Variants in DPYD observed in about 807,000 individuals in gnomAD.
DPYD encodes dihydropyrimidine dehydrogenase.
DPYD carries 109 observed loss-of-function variants against 116.2 expected under a neutral mutation model. The observed-to-expected ratio is 0.94, with a 90% CI of 0.80 to 1.10. The LOEUF (loss-of-function observed/expected upper bound fraction) is 1.10. Ranked by LOEUF, DPYD falls within the 50% of genes least tolerant of loss-of-function variation. DPYD has a pLI of 0.00. For synonymous variants in DPYD, 440 were observed against 432.0 expected, an observed-to-expected ratio of 1.02 and a Z score of -0.23; for missense variants, 1,302 against 1,254.5, an observed-to-expected ratio of 1.04 and a Z score of -0.57.
intron 18 of DPYD, among the ~76,000 whole-genome samples, chr1:97,254,612 C>T (rs1274001827): frequency 6.6e-6 from 1 of 152,010 alleles, no homozygotes; most frequent in African/African-American, 2.4e-5. Context: ...GGTGTAAAAT[C>T]CAGATTAGAT....
intron 3 of DPYD, among the ~76,000 whole-genome samples, chr1:97,814,585 C>G (rs1307408235): frequency 6.6e-6 from 1 of 151,970 alleles, no homozygotes; most frequent in Non-Finnish European, 1.5e-5. Context: ...AAAATTTTTT[C>G]CACGAATTCC....
intron 18 of DPYD, among the ~76,000 whole-genome samples, chr1:97,292,858 A>G (rs1250060191): frequency 6.6e-6 from 1 of 152,054 alleles, no homozygotes; most frequent in East Asian, 1.9e-4. Context: ...AACACAAGGC[A>G]TTGTTGTTGG....
In DPYD at chr1:97,888,930, G is replaced by A. The variant is rs181292868; in HGVS notation, c.40-5556C>T. Among the ~76,000 whole-genome samples the A allele has an allele frequency of 7.9e-5, 12 of 152,234 alleles. No individual in the cohort carries two copies. The East Asian group carries it at 1.8e-3, about 22-fold the overall frequency. ...CCCAACACTTTGGGAGTCCAAGGCA[G>A]GTGGATCACCAAGGTCAGGAGTTCA... is the stretch of plus-strand genomic sequence containing the variant. On this transcript the variant is annotated intron_variant, in intron 1 of 22. Coordinates refer to ENST00000370192, the MANE Select transcript of DPYD (RefSeq NM_000110.4).
At chr1:97,191,703 C>A (rs920322456) in intron 20 of DPYD, among the ~76,000 whole-genome samples, 1 of 152,088 alleles carries the variant, frequency 6.6e-6, no homozygotes, top group African/African-American at 2.4e-5. Flanking sequence ...ATGGCAACCA[C>A]CCAAATTTGA....
intron 1 of DPYD, among the ~76,000 whole-genome samples, chr1:97,901,052 A>T (rs1009766766): frequency 5.9e-5 from 9 of 151,862 alleles, no homozygotes; most frequent in Admixed American, 2.6e-4. Context: ...TAATGTTCTT[A>T]TATCAGATGA....
chr1:97,786,007 T>C (rs1557960377), intron 3 of DPYD, among the ~76,000 whole-genome samples: 1 of 151,508 alleles, frequency 6.6e-6, no homozygotes, highest in Non-Finnish European at 1.5e-5. Flanking sequence ...CACTGACTCT[T>C]GACTGCAATG....
intron 3 of DPYD, among the ~76,000 whole-genome samples, chr1:97,800,564 T>C (rs922375100): frequency 1.3e-5 from 2 of 151,940 alleles, no homozygotes; most frequent in Non-Finnish European, 2.9e-5. Flanking sequence ...CCTCTTTCTC[T>C]TCCAATTTCC....
intron 19 of DPYD, among the ~76,000 whole-genome samples, chr1:97,216,859 C>T (rs548998831): frequency 3.9e-5 from 6 of 152,184 alleles, no homozygotes; most frequent in African/African-American, 9.6e-5. Context: ...AATATTTATA[C>T]ACATCTTCAC....
At chr1:97,656,515 T>C (rs550989313) in intron 8 of DPYD, among the ~76,000 whole-genome samples, 1 of 152,308 alleles carries the variant, frequency 6.6e-6, no homozygotes, top group South Asian at 2.1e-4. Context: ...ATGATACTTC[T>C]CCAGTCTGGT....
chr1:97,557,560 C>T (rs1264912593), intron 11 of DPYD, among the ~76,000 whole-genome samples: 1 of 152,044 alleles, frequency 6.6e-6, no homozygotes, highest in Non-Finnish European at 1.5e-5. Flanking sequence ...AAGTGATTTA[C>T]CAGCCTCGGC....
intron 8 of DPYD, among the ~76,000 whole-genome samples, chr1:97,673,535 C>T (rs1033741873): frequency 1.1e-4 from 16 of 152,136 alleles, no homozygotes; most frequent in South Asian, 4.1e-4. Context: ...ACTATGTACC[C>T]GCCACTTTGC....
At chr1:97,165,912 TA>T (rs57322611) in intron 20 of DPYD, among the ~76,000 whole-genome samples, 36 of 149,750 alleles carry the variant, frequency 2.4e-4, no homozygotes, top group East Asian at 1.8e-3. Flanking sequence ...ATTAAAAAGT[TA>T]AAAAAAAAAT....
chr1:97,234,591 T>C (rs1388341748), intron 19 of DPYD, among the ~76,000 whole-genome samples: 5 of 152,166 alleles, frequency 3.3e-5, no homozygotes, highest in Admixed American at 3.3e-4. Flanking sequence ...TGGTACCTGA[T>C]CTTATTTATT....
At chr1:97,894,052 G>C (rs1488865565) in intron 1 of DPYD, among the ~76,000 whole-genome samples, 1 of 151,666 alleles carries the variant, frequency 6.6e-6, no homozygotes, top group Admixed American at 6.6e-5. Context: ...CCATAAGCTG[G>C]GTGGCTTAAA....
rs188606597 is a variant in DPYD, at chr1:97,873,900, T to C, written c.150+9364A>G. The stretch of plus-strand genomic sequence containing the variant: ...AAATAGGTCTTCACAGACCTTACAT[T>C]CTCGTGGGGAGAAAATGACTAAACA... On this transcript the variant is annotated intron_variant, in intron 2 of 22. Coordinates refer to ENST00000370192, the MANE Select transcript of DPYD (RefSeq NM_000110.4). 2.1e-4 allele frequency among the ~76,000 whole-genome samples: 32 copies of C among 152,004 alleles called. 1 individual carries two copies. The highest frequency in any genetic ancestry group is 2.0e-3 in the Admixed American group (31 of 15,224).
chr1:97,552,494 CATTT>C (rs970162008), intron 11 of DPYD, among the ~76,000 whole-genome samples: 1 of 151,974 alleles, frequency 6.6e-6, no homozygotes, highest in Non-Finnish European at 1.5e-5. Flanking sequence ...ACCCTAGGGG[CATTT>C]ATTTGTGAAT....
At chr1:97,246,153 T>G (rs1241769924) in intron 18 of DPYD, among the ~76,000 whole-genome samples, 1 of 152,158 alleles carries the variant, frequency 6.6e-6, no homozygotes, top group Admixed American at 6.6e-5. Context: ...TACTGTTTAG[T>G]TGCTCTATCA....
At chr1:97,836,705 T>C (rs775284502) in intron 2 of DPYD, among the ~76,000 whole-genome samples, 2 of 152,108 alleles carry the variant, frequency 1.3e-5, no homozygotes, top group Non-Finnish European at 2.9e-5. Flanking sequence ...AGGAATTTAC[T>C]AGATTAGGGC....
At chr1:97,788,321 C>T (rs900226256) in intron 3 of DPYD, among the ~76,000 whole-genome samples, 1 of 152,058 alleles carries the variant, frequency 6.6e-6, no homozygotes, top group Non-Finnish European at 1.5e-5. Context: ...ACTTTTGCTC[C>T]TTTAGAATCC....
Sources: gnomAD v4.1 joint callset for allele counts (sites outside exome capture counted in the v4.1 genomes callset) on GRCh38, gnomAD v4.1.1 for gene constraint, MANE v1.5 for transcripts, NCBI Gene and HGNC (gene_info 2026-07-23, HGNC 2026-07-21) for gene names.